Variants in IGFN1 observed in about 807,000 individuals in gnomAD.
IGFN1 encodes immunoglobulin like and fibronectin type III domain containing 1.
In IGFN1, 253 loss-of-function variants were observed where a neutral mutation model predicts 289.5. The ratio of observed to expected loss-of-function variants is 0.87; its 90% CI spans 0.79 to 0.97. The LOEUF (loss-of-function observed/expected upper bound fraction) is 0.97, where lower values mean the gene tolerates loss of function less well. Ranked by LOEUF, IGFN1 falls within the 50% of genes least tolerant of loss-of-function variation. The pLI is 0.00. For missense variants in IGFN1, 4,470 were observed against 4,686.1 expected, an observed-to-expected ratio of 0.95 and a Z score of 1.35; for synonymous variants, 1,706 against 1,788.5, an observed-to-expected ratio of 0.95 and a Z score of 1.16.
chr1:201,211,109 G>A lies in IGFN1; in HGVS notation c.6216G>A (p.Lys2072=), dbSNP rs779081695. The change falls in exon 12 of 24, where the codon AAG becomes AAA. Residue 2072 remains lysine, a synonymous_variant. Transcript: ENST00000335211. The stretch of plus-strand genomic sequence containing the variant: ...CAGTGAATGAGGCAGGTTATAGGAA[G>A]GATTTAGGGGCTCCTAAGGGAATGG... ...MGSVNEAGYR[K]DLGAPKGMGS... 2 of 1,508,216 alleles carry A rather than the reference G, an allele frequency of 1.3e-6. No individual in the cohort carries two copies. The highest frequency in any genetic ancestry group is 1.7e-4 in the Middle Eastern group (1 of 5,846). The allele number at this position is 1,508,216 out of a possible 1,614,324, so 93.4% of individuals were successfully genotyped here.
In IGFN1 at chr1:201,209,486, G is replaced by A; in HGVS notation, c.4593G>A (p.Arg1531=). Residue 1531 remains arginine (R), a synonymous_variant, in exon 12 of 24, where the codon AGG becomes AGA. Coordinates refer to ENST00000335211, the MANE Select transcript of IGFN1 (RefSeq NM_001164586.2). The part of the protein sequence containing the change: ...EMGSVDKAGY[R]KDLGASEAIG... ...GGTCTGTGGATAAGGCAGGCTATAG[G>A]AAGGATTTGGGGGCTTCTGAGGCAA... is the stretch of plus-strand genomic sequence containing the variant. 1 of 1,537,008 alleles carries A rather than the reference G, an allele frequency of 6.5e-7. No homozygotes were observed. The highest frequency in any genetic ancestry group is 8.7e-7 in the Non-Finnish European group (1 of 1,146,812).
Position 201,213,012 on chromosome 1 carries a change from G to A in IGFN1, c.8119G>A (p.Ala2707Thr), listed in dbSNP as rs1373660874. The A allele has an allele frequency of 6.4e-7, 1 of 1,551,484 alleles. No individual in the cohort carries two copies. Among genetic ancestry groups the A allele is most frequent in the African/African-American group, 1.4e-5 (1 of 73,042 alleles). Residue 2707 changes from alanine (A) to threonine (T), a missense_variant, in exon 12 of 24, where the codon GCA (alanine) becomes ACA (threonine). Physicochemically the swap from Ala to Thr is moderately conservative, Grantham distance 58. Coordinates refer to ENST00000335211, the MANE Select transcript of IGFN1 (RefSeq NM_001164586.2). ...TCCTGGAAGGGGCAGTTCTGTTGATGCAGAGGACTCAGGTATCCTGGGCAA... is the reference window on the plus strand; with the variant it reads ...TCCTGGAAGGGGCAGTTCTGTTGATACAGAGGACTCAGGTATCCTGGGCAA... ...SSPGRGSSVD[A>T]EDSGILGKGN...
rs1376033048 is a variant in IGFN1 at position 201,208,541 on chromosome 1, T to G, written c.3648T>G (p.Asp1216Glu). 13 of 1,460,980 alleles carry G rather than the reference T, an allele frequency of 8.9e-6. 1 individual carries two copies. The Admixed American group carries it at 3.5e-4, about 40-fold the overall frequency. The allele number at this position is 1,460,980 out of a possible 1,614,324, so 90.5% of individuals were successfully genotyped here. ...YGAGNVLGYE[D>E]GSELPGPQGT... ...CTGGCAATGTGCTGGGTTATGAGGA[T>G]GGATCAGAACTTCCAGGGCCTCAGG... The change falls in exon 12 of 24, where the codon GAT (aspartate) becomes GAG (glutamate). Residue 1216 changes from aspartate (D) to glutamate (E), a missense_variant. Transcript: ENST00000335211.
chr1:201,214,372 G>A (rs1044211432), intron 13 of IGFN1, 71 bp downstream of exon 13: 60 of 1,457,358 alleles, frequency 4.1e-5, no homozygotes, highest in Admixed American at 8.6e-5. Context: ...GGGCAAGAGC[G>A]TAGAGGCTTT....
At chr1:201,201,439 A>G (rs1667152599) in intron 8 of IGFN1, among the ~76,000 whole-genome samples, 1 of 152,174 alleles carries the variant, frequency 6.6e-6, no homozygotes, top group Non-Finnish European at 1.5e-5. Flanking sequence ...GTAGGTGTTC[A>G]ACTAATGTTC....
Position 201,226,909 on chromosome 1 carries a change from A to G in IGFN1, c.10814A>G (p.Tyr3605Cys). 6.2e-7 allele frequency: 1 copy of G among 1,605,118 alleles called. No homozygotes were observed. The highest frequency in any genetic ancestry group is 8.5e-7 in the Non-Finnish European group (1 of 1,175,096). ...AGGTTCACAGTGAAGGCTCCGTGCT[A>G]CCGGGAGCCCGACCTGAGCCAGAAG... ...RDRFTVKAPC[Y>C]REPDLSQKPR... Residue 3605 changes from tyrosine (Y) to cysteine (C), a missense_variant, in exon 23 of 24, where the codon TAC becomes TGC. Physicochemically the swap from Tyr to Cys is radical, Grantham distance 194 (BLOSUM62 -2). This residue lies in a region of IGFN1 where 2,218 missense variants were observed against 2,114.1 expected (regional missense o/e 1.05). Transcript: ENST00000335211.
Position 201,215,550 on chromosome 1 carries a change from A to G in IGFN1, c.9007A>G (p.Ile3003Val). ...TGTTTTATTTCTAGATTCCCCTACC[A>G]TTGCTCCAGATGTGACAGAGAAACT... The part of the protein sequence containing the change: ...ATLTVQDSPT[I>V]APDVTEKLRE... Residue 3003 changes from isoleucine to valine, a missense_variant, in exon 15 of 24, where the codon ATT becomes GTT. Ile to Val is a conservative substitution (Grantham distance 29). Coordinates refer to ENST00000335211, the MANE Select transcript of IGFN1 (RefSeq NM_001164586.2). 6.4e-7 allele frequency: 1 copy of G among 1,573,340 alleles called. No homozygotes were observed. The highest frequency in any genetic ancestry group is 1.2e-5 in the South Asian group (1 of 84,756).
chr1:201,214,202 C>T lies in IGFN1; in HGVS notation c.8754C>T (p.Gly2918=), dbSNP rs571622264. ...GCCCCATGGGCCACTTCTCCCAGGG[C>T]CTGGCTGACATGGAAGTGCAGCCGG... The part of the protein sequence containing the change: ...AQGPMGHFSQ[G]LADMEVQPGE... Residue 2918 remains glycine (G), a synonymous_variant, in exon 13 of 24, where the codon GGC becomes GGT. Coordinates refer to ENST00000335211, the MANE Select transcript of IGFN1 (RefSeq NM_001164586.2). 9.3e-6 allele frequency: 15 copies of T among 1,613,394 alleles called. No individual in the cohort carries two copies. In the South Asian group the frequency reaches 1.6e-4, roughly 18 times the overall value.
Position 201,203,846 on chromosome 1 carries a change from G to T in IGFN1, c.856G>T (p.Gly286Cys). 6.4e-7 allele frequency: 1 copy of T among 1,551,716 alleles called. No homozygotes were observed. The highest frequency in any genetic ancestry group is 2.4e-5 in the East Asian group (1 of 40,924). ...TCAAGACCTGAGGCCTGAGGACTCTGGCATTTACCAGGTCAAGGTGGAGGA... is the reference window on the plus strand; with the variant it reads ...TCAAGACCTGAGGCCTGAGGACTCTTGCATTTACCAGGTCAAGGTGGAGGA... Reference protein sequence around the residue: ...QIQDLRPEDSGIYQVKVEDAV... With the variant: ...QIQDLRPEDSCIYQVKVEDAV... The change falls in exon 10 of 24, where the codon GGC becomes TGC. Residue 286 changes from glycine (G) to cysteine (C), a missense_variant. Around this residue, in one of 8 missense-constraint regions of IGFN1, gnomAD observed 2,011 missense variants for 1,953.4 expected, o/e 1.03. Coordinates refer to ENST00000335211, the MANE Select transcript of IGFN1 (RefSeq NM_001164586.2).
At chr1:201,221,877 C>A (rs1013792681) in intron 19 of IGFN1, 131 bp downstream of exon 19, 4 of 739,222 alleles carry the variant, frequency 5.4e-6, no homozygotes, top group Middle Eastern at 7.8e-4. Flanking sequence ...ATTTATTGAG[C>A]ACCTACTAGG....
At chr1:201,200,828 C>CTTTTTTTTTTTTTTTT (rs200585317) in intron 8 of IGFN1, among the ~76,000 whole-genome samples, 1 of 114,406 alleles carries the variant, frequency 8.7e-6, no homozygotes, top group Non-Finnish European at 1.9e-5. Context: ...TGGTTTATTT[C>CTTTTTTTTTTTTTTTT]TTTCTTTTTT....
At chr1:201,192,632 A>C (rs554560659) in intron 1 of IGFN1, among the ~76,000 whole-genome samples, 1 of 152,290 alleles carries the variant, frequency 6.6e-6, no homozygotes, top group South Asian at 2.1e-4. Flanking sequence ...AAGAGCAGCA[A>C]ATTTGAGGCC....
chr1:201,202,056 A>T (rs1159580181), intron 9 of IGFN1, among the ~76,000 whole-genome samples: 2 of 152,130 alleles, frequency 1.3e-5, no homozygotes, highest in Non-Finnish European at 2.9e-5. Context: ...TGGGCTCTCC[A>T]GCTGGGCCTG....
chr1:201,196,276 C>T (rs1303378167), intron 4 of IGFN1, among the ~76,000 whole-genome samples: 2 of 152,166 alleles, frequency 1.3e-5, no homozygotes, highest in Admixed American at 6.5e-5. Context: ...TTTAGAAAGT[C>T]ATTTTACTCT....
At chr1:201,227,346 G>A in intron 23 of IGFN1, 138 bp downstream of exon 23, 1 of 611,088 alleles carries the variant, frequency 1.6e-6, no homozygotes, top group Non-Finnish European at 2.8e-6. Flanking sequence ...CTGACTCTAT[G>A]AACTTTCAGC....
At chr1:201,195,690 A>G (rs1666887646) in intron 3 of IGFN1, 149 bp from the exon 4 acceptor site, 1 of 786,808 alleles carries the variant, frequency 1.3e-6, no homozygotes, top group African/African-American at 1.7e-5. Context: ...CTGAGTCCTG[A>G]GTCAAGGGGA....
rs539017646 is a variant in IGFN1 at position 201,214,213 on chromosome 1, T to C, written c.8765T>C (p.Met2922Thr). The stretch of plus-strand genomic sequence containing the variant: ...CACTTCTCCCAGGGCCTGGCTGACA[T>C]GGAAGTGCAGCCGGGGGAGGCCGCC... ...MGHFSQGLAD[M>T]EVQPGEAATL... The change falls in exon 13 of 24, where the codon ATG becomes ACG. Residue 2922 changes from methionine (M) to threonine (T), a missense_variant. Transcript: ENST00000335211. 1.9e-6 allele frequency: 3 copies of C among 1,613,530 alleles called. No homozygotes were observed. The highest frequency in any genetic ancestry group is 1.1e-5 in the South Asian group (1 of 91,068).
rs1413784010 is a variant in IGFN1, at chr1:201,211,801, G to A, written c.6908G>A (p.Gly2303Asp). 1 of 1,536,688 alleles carries A rather than the reference G, an allele frequency of 6.5e-7. No homozygotes were observed. The highest frequency in any genetic ancestry group is 1.4e-5 in the African/African-American group (1 of 72,956). ...SGRNPLGSEA[G>D]SRGSLEDSGY... Reference sequence around the variant, plus strand: ...AGGAATCCATTAGGGAGCGAGGCAGGTTCTAGGGGTAGTTTGGAGGATTCT... The same window carrying A: ...AGGAATCCATTAGGGAGCGAGGCAGATTCTAGGGGTAGTTTGGAGGATTCT... The change falls in exon 12 of 24, where the codon GGT becomes GAT. Residue 2303 changes from glycine to aspartate, a missense_variant. Physicochemically the swap from Gly to Asp is moderately conservative, Grantham distance 94. Coordinates refer to ENST00000335211, the MANE Select transcript of IGFN1 (RefSeq NM_001164586.2).
In IGFN1 at chr1:201,211,609, C is replaced by T. The variant is rs1350388764; in HGVS notation, c.6716C>T (p.Ser2239Phe). ...KAGFRDGLGS[S>F]GEMGSMDEAD... Reference sequence around the variant, plus strand: ...GGTTTCAGGGATGGTTTAGGGAGTTCTGGGGAAATGGGGTCAATGGATGAG... The same window carrying T: ...GGTTTCAGGGATGGTTTAGGGAGTTTTGGGGAAATGGGGTCAATGGATGAG... The change falls in exon 12 of 24, where the codon TCT (serine) becomes TTT (phenylalanine). Residue 2239 changes from serine to phenylalanine, a missense_variant. Physicochemically the swap from Ser to Phe is radical, Grantham distance 155. This residue lies in a region of IGFN1 where 2,218 missense variants were observed against 2,114.1 expected (regional missense o/e 1.05). Coordinates refer to ENST00000335211, the MANE Select transcript of IGFN1 (RefSeq NM_001164586.2). 2 of 1,535,346 alleles carry T rather than the reference C, an allele frequency of 1.3e-6. No homozygotes were observed. The highest frequency in any genetic ancestry group is 2.5e-5 in the East Asian group (1 of 40,736).
Sources: gnomAD v4.1 joint callset for allele counts (sites outside exome capture counted in the v4.1 genomes callset) on GRCh38, gnomAD v4.1.1 for gene constraint, gnomAD v4.1.1 regional missense constraint, MANE v1.5 for transcripts, NCBI Gene and HGNC (gene_info 2026-07-23, HGNC 2026-07-21) for gene names.